PCDH9: variants seen among roughly 807,000 people sequenced by gnomAD.
The protein encoded by PCDH9 is protocadherin 9, also known as protocadherin-9.
PCDH9 carries 24 observed loss-of-function variants against 70.6 expected under a neutral mutation model. The observed-to-expected ratio is 0.34, with a 90% confidence interval of 0.25 to 0.48. The LOEUF is 0.48. PCDH9 is among the 20% of genes least tolerant of loss of function. The pLI, the probability that PCDH9 is intolerant of heterozygous loss-of-function variation, is 0.99. For synonymous variants in PCDH9, 562 were observed against 558.5 expected (o/e 1.01, Z -0.09); for missense variants, 1,281 against 1,503.6 (o/e 0.85, Z 2.45).
Position 66,731,158 on chromosome 13 carries a change from T to C in PCDH9, c.3139-99747A>G, listed in dbSNP as rs933472731. On this transcript the variant is annotated intron_variant, in intron 3 of 4. Coordinates refer to ENST00000377865, the MANE Select transcript of PCDH9 (RefSeq NM_203487.3). ...AATGATGGGTTATTTCTCAAGTCTA[T>C]GGAAGAGGAAATGATGACAATCAGA... 1.2e-4 allele frequency among the ~76,000 whole-genome samples: 18 copies of C among 152,144 alleles called. No homozygotes were observed. In the East Asian group the frequency reaches 2.1e-3, roughly 18 times the overall value.
At chr13:66,860,195 G>A (rs911136851) in intron 3 of PCDH9, among the ~76,000 whole-genome samples, 3 of 152,116 alleles carry the variant, frequency 2.0e-5, no homozygotes, top group Non-Finnish European at 2.9e-5. Context: ...TTTTGGCTAG[G>A]GATAAAAAGG....
At chr13:67,034,617 A>G (rs2084973610) in intron 2 of PCDH9, among the ~76,000 whole-genome samples, 1 of 151,568 alleles carries the variant, frequency 6.6e-6, no homozygotes, top group East Asian at 2.0e-4. Context: ...GTGCCCATAT[A>G]CCATGGCCAT....
chr13:66,598,669 T>C (rs2077130580), intron 4 of PCDH9, among the ~76,000 whole-genome samples: 1 of 151,844 alleles, frequency 6.6e-6, no homozygotes, highest in Non-Finnish European at 1.5e-5. Context: ...AATGATTTAA[T>C]TAATCTAAAC....
At chr13:67,129,103 A>G (rs1005584877) in intron 2 of PCDH9, among the ~76,000 whole-genome samples, 9 of 152,146 alleles carry the variant, frequency 5.9e-5, no homozygotes, top group Non-Finnish European at 1.3e-4. Flanking sequence ...ATTACTACTT[A>G]TCGGCATTCT....
At chr13:66,917,980 A>G (rs1303464929) in intron 2 of PCDH9, among the ~76,000 whole-genome samples, 1 of 151,252 alleles carries the variant, frequency 6.6e-6, no homozygotes, top group East Asian at 1.9e-4. Flanking sequence ...ATTGGGGGTG[A>G]CTGACCAGTG....
At chr13:66,397,211 G>C (rs1356586270) in intron 4 of PCDH9, among the ~76,000 whole-genome samples, 3 of 152,008 alleles carry the variant, frequency 2.0e-5, no homozygotes, top group Non-Finnish European at 4.4e-5. Context: ...TTCAGATTAG[G>C]AGCTCAAGAC....
At chr13:66,501,676 T>G (rs1419780097) in intron 4 of PCDH9, among the ~76,000 whole-genome samples, 1 of 152,018 alleles carries the variant, frequency 6.6e-6, no homozygotes, top group African/African-American at 2.4e-5. Flanking sequence ...ATTAAAAAAA[T>G]TAAGATAATG....
intron 2 of PCDH9, among the ~76,000 whole-genome samples, chr13:67,170,711 A>T (rs2088258043): frequency 6.6e-6 from 1 of 152,094 alleles, no homozygotes; most frequent in Non-Finnish European, 1.5e-5. Flanking sequence ...GAATGCTTGA[A>T]GCCAAGACTT....
At chr13:66,486,327 C>T (rs577430225) in intron 4 of PCDH9, among the ~76,000 whole-genome samples, 1 of 152,160 alleles carries the variant, frequency 6.6e-6, no homozygotes, top group East Asian at 1.9e-4. Flanking sequence ...TCTGTAGTCC[C>T]AGCTCCTGGG....
chr13:66,863,245 T>C (rs1253779281), intron 3 of PCDH9, among the ~76,000 whole-genome samples: 1 of 152,196 alleles, frequency 6.6e-6, no homozygotes, highest in African/African-American at 2.4e-5. Context: ...GTCTAATCTA[T>C]CTGGACTTCA....
At chr13:66,623,626 G>T (rs1418457519) in intron 4 of PCDH9, among the ~76,000 whole-genome samples, 1 of 152,038 alleles carries the variant, frequency 6.6e-6, no homozygotes, top group Non-Finnish European at 1.5e-5. Flanking sequence ...TTTTTGTACA[G>T]ACACGGTCTT....
At chr13:66,641,865 G>C (rs7990809) in intron 3 of PCDH9, among the ~76,000 whole-genome samples, 2,192 of 152,124 alleles carry the variant, frequency 0.014, 63 homozygotes, top group African/African-American at 0.05. Flanking sequence ...TCTTAGTAAT[G>C]GTATTGTGAA....
chr13:66,697,259 C>T (rs1316380945), intron 3 of PCDH9, among the ~76,000 whole-genome samples: 1 of 151,862 alleles, frequency 6.6e-6, no homozygotes, highest in Non-Finnish European at 1.5e-5. Flanking sequence ...TATCATAAAT[C>T]ATTTTTTAAA....
At chr13:66,585,799 A>G (rs2076954799) in intron 4 of PCDH9, among the ~76,000 whole-genome samples, 1 of 151,996 alleles carries the variant, frequency 6.6e-6, no homozygotes, top group Admixed American at 6.6e-5. Context: ...ATTGGACTGT[A>G]TTGCGGTGTG....
chr13:66,861,570 T>A (rs1428358129), intron 3 of PCDH9, among the ~76,000 whole-genome samples: 1 of 152,152 alleles, frequency 6.6e-6, no homozygotes, highest in Non-Finnish European at 1.5e-5. Context: ...GGGGAAAAGG[T>A]TGTACTTAAG....
intron 2 of PCDH9, among the ~76,000 whole-genome samples, chr13:66,929,264 C>T (rs1333296522): frequency 6.6e-6 from 1 of 151,556 alleles, no homozygotes; most frequent in Non-Finnish European, 1.5e-5. Flanking sequence ...GATATTCTTT[C>T]ATGTTTGGCG....
intron 2 of PCDH9, among the ~76,000 whole-genome samples, chr13:67,197,308 A>G (rs2089093735): frequency 2.0e-5 from 3 of 151,978 alleles, no homozygotes; most frequent in Admixed American, 6.6e-5. Flanking sequence ...TATATTGTAC[A>G]AGATAAGGAA....
At chr13:66,794,512 C>T (rs1173790797) in intron 3 of PCDH9, among the ~76,000 whole-genome samples, 5 of 152,096 alleles carry the variant, frequency 3.3e-5, no homozygotes, top group African/African-American at 7.2e-5. Context: ...ACTGAAGAGA[C>T]GCAGCCTGCA....
chr13:67,069,339 A>G (rs2138149239), intron 2 of PCDH9, among the ~76,000 whole-genome samples: 1 of 152,292 alleles, frequency 6.6e-6, no homozygotes, highest in East Asian at 1.9e-4. Flanking sequence ...AGTTGAATGT[A>G]GGGTCAGCCC....
Sources: allele counts gnomAD v4.1 joint callset (sites outside exome capture counted in the v4.1 genomes callset), GRCh38; gene constraint gnomAD v4.1.1; transcripts MANE v1.5; gene names NCBI Gene and HGNC (gene_info 2026-07-23, HGNC 2026-07-21).